APBA1: variants seen among roughly 807,000 people sequenced by gnomAD.
APBA1 encodes the protein amyloid beta precursor protein binding family A member 1.
APBA1 carries 55 observed loss-of-function variants against 86.6 expected under a neutral mutation model. That is an observed-to-expected ratio of 0.64 (90% CI 0.51 to 0.80). The LOEUF (loss-of-function observed/expected upper bound fraction) is 0.80, where lower values mean the gene tolerates loss of function less well. Ranked by LOEUF, APBA1 falls within the 30% of genes least tolerant of loss-of-function variation. The probability of loss-of-function intolerance (pLI) is 0.00; values close to 1 mark genes in which losing one functional copy is unlikely to be tolerated. For missense variants in APBA1, 1,090 were observed against 1,183.0 expected (o/e 0.92, Z 1.15); for synonymous variants, 511 against 493.9 (o/e 1.03, Z -0.46).
intron 1 of APBA1, among the ~76,000 whole-genome samples, chr9:69,537,035 G>A (rs1406647967): frequency 2.1e-5 from 3 of 144,746 alleles, no homozygotes; most frequent in East Asian, 2.0e-4. Flanking sequence ...TCACCACTAC[G>A]CACTAAGATA....
chr9:69,561,988 T>C (rs749790639), intron 1 of APBA1, among the ~76,000 whole-genome samples: 3 of 152,166 alleles, frequency 2.0e-5, no homozygotes, highest in Non-Finnish European at 4.4e-5. Flanking sequence ...TACTATTTGA[T>C]TGCTAGCAGT....
chr9:69,606,049 G>C (rs1822463145), intron 1 of APBA1, among the ~76,000 whole-genome samples: 1 of 152,216 alleles, frequency 6.6e-6, no homozygotes, highest in Admixed American at 6.5e-5. Flanking sequence ...GGCTTAACAA[G>C]TGAATATACA....
intron 2 of APBA1, among the ~76,000 whole-genome samples, chr9:69,488,658 A>G (rs1835650757): frequency 6.6e-6 from 1 of 152,140 alleles, no homozygotes; most frequent in South Asian, 2.1e-4. Context: ...CAAGGGGTGG[A>G]GAGGCCACCT....
intron 1 of APBA1, among the ~76,000 whole-genome samples, chr9:69,606,876 C>T (rs1309306585): frequency 6.6e-6 from 1 of 152,040 alleles, no homozygotes; most frequent in Non-Finnish European, 1.5e-5. Context: ...AGAAGTGACA[C>T]ATGGCAATAA....
chr9:69,590,455 A>G (rs1369286675), intron 1 of APBA1, among the ~76,000 whole-genome samples: 1 of 152,162 alleles, frequency 6.6e-6, no homozygotes, highest in East Asian at 1.9e-4. Context: ...TCATCAGCCA[A>G]AATAATGAGG....
At chr9:69,523,429 C>T (rs922611217) in intron 1 of APBA1, among the ~76,000 whole-genome samples, 1 of 139,572 alleles carries the variant, frequency 7.2e-6, no homozygotes, top group Non-Finnish European at 1.5e-5. Context: ...ATAAAGGGTT[C>T]AATTCAACAA....
chr9:69,605,935 C>A (rs987594021), intron 1 of APBA1, among the ~76,000 whole-genome samples: 53 of 152,266 alleles, frequency 3.5e-4, no homozygotes, highest in African/African-American at 1.3e-3. Context: ...TGAATTAATG[C>A]ATGGAAAATT....
At chr9:69,515,919 A>G in intron 2 of APBA1, 92 bp downstream of exon 2, 4 of 1,357,932 alleles carry the variant, frequency 2.9e-6, no homozygotes, top group Non-Finnish European at 3.9e-6. Flanking sequence ...TACTTCCCGT[A>G]AAGTCACTAC....
chr9:69,514,547 CCAT>C (rs1331958529), intron 2 of APBA1, among the ~76,000 whole-genome samples: 5 of 151,392 alleles, frequency 3.3e-5, no homozygotes, highest in African/African-American at 4.9e-5. Context: ...CGAGATCACA[CCAT>C]TGCACTCCAG....
intron 1 of APBA1, among the ~76,000 whole-genome samples, chr9:69,579,096 A>C (rs1176933905): frequency 6.6e-6 from 1 of 151,914 alleles, no homozygotes; most frequent in South Asian, 2.1e-4. Context: ...TAAAACAAAA[A>C]ACCCATACCT....
chr9:69,552,303 T>C (rs1438683277), intron 1 of APBA1, among the ~76,000 whole-genome samples: 4 of 152,364 alleles, frequency 2.6e-5, no homozygotes, highest in Admixed American at 2.6e-4. Flanking sequence ...TGATTCATTG[T>C]GTTTTTCTGT....
At chr9:69,627,164 G>A (rs1350738805) in intron 1 of APBA1, among the ~76,000 whole-genome samples, 4 of 152,068 alleles carry the variant, frequency 2.6e-5, no homozygotes, top group Non-Finnish European at 5.9e-5. Context: ...AAGAATATGG[G>A]CACTCTAAAT....
At chr9:69,644,521 G>A (rs960108143) in intron 1 of APBA1, among the ~76,000 whole-genome samples, 1 of 152,178 alleles carries the variant, frequency 6.6e-6, no homozygotes, top group Admixed American at 6.5e-5. Flanking sequence ...CTCCATGAAT[G>A]GCTTTCCCCA....
At chr9:69,586,781 G>T (rs1822026773) in intron 1 of APBA1, among the ~76,000 whole-genome samples, 1 of 152,090 alleles carries the variant, frequency 6.6e-6, no homozygotes, top group Admixed American at 6.6e-5. Context: ...GTAGAGGTGG[G>T]AAATATAAGG....
intron 1 of APBA1, among the ~76,000 whole-genome samples, chr9:69,581,176 T>C (rs1219019831): frequency 6.6e-6 from 1 of 152,124 alleles, no homozygotes; most frequent in Non-Finnish European, 1.5e-5. Context: ...GCCACTTAAA[T>C]GGTATCAGTC....
chr9:69,595,297 G>A (rs966699595), intron 1 of APBA1, among the ~76,000 whole-genome samples: 1 of 152,106 alleles, frequency 6.6e-6, no homozygotes, highest in Admixed American at 6.5e-5. Flanking sequence ...TTATCTTCTA[G>A]TTTAGTTTCC....
intron 1 of APBA1, among the ~76,000 whole-genome samples, chr9:69,545,791 C>G (rs1271842236): frequency 6.6e-6 from 1 of 152,112 alleles, no homozygotes; most frequent in East Asian, 1.9e-4. Flanking sequence ...CATTTTGGCT[C>G]AGATGTGAAA....
chr9:69,607,452 C>T (rs372147205), intron 1 of APBA1, among the ~76,000 whole-genome samples: 30 of 152,272 alleles, frequency 2.0e-4, no homozygotes, highest in Middle Eastern at 3.4e-3. Context: ...CAATTCAATA[C>T]GAGATTTGGG....
In APBA1 at chr9:69,496,984, G is replaced by A. The variant is rs147144774; in HGVS notation, c.1200+19027C>T. ...TATTACTCAGAAATGACCAGCACAC[G>A]TAAGACTTAAAATCACTAGTCAGAC... On this transcript the variant is annotated intron_variant, in intron 2 of 12. Transcript: ENST00000265381. Among the ~76,000 whole-genome samples the A allele has an allele frequency of 1.3e-4, 20 of 152,106 alleles. No individual in the cohort carries two copies. In the East Asian group the frequency reaches 2.7e-3, roughly 21 times the overall value.
Sources: allele counts gnomAD v4.1 joint callset (sites outside exome capture counted in the v4.1 genomes callset), GRCh38; gene constraint gnomAD v4.1.1; transcripts MANE v1.5; gene names NCBI Gene and HGNC (gene_info 2026-07-23, HGNC 2026-07-21).